The following STK3 variants were observed in gnomAD, a reference collection of about 807,000 sequenced individuals.
STK3 encodes the protein serine/threonine-protein kinase 3.
Under a neutral mutation model 58.0 loss-of-function variants are expected in STK3, and 41 were observed. That is an observed-to-expected ratio of 0.71 (90% confidence interval 0.55 to 0.92). The LOEUF is 0.92. Ranked by LOEUF, STK3 falls within the 40% of genes least tolerant of loss-of-function variation. STK3 has a pLI of 0.00. For synonymous variants in STK3, 170 were observed against 191.0 expected (o/e 0.89, Z 0.91); for missense variants, 479 against 602.7 (o/e 0.79, Z 2.15).
At chr8:98,670,833 A>G (rs568467557) in intron 6 of STK3, among the ~76,000 whole-genome samples, 102 of 152,302 alleles carry the variant, frequency 6.7e-4, no homozygotes, top group African/African-American at 2.3e-3. Context: ...TCATCACTCA[A>G]TAAAATTCTC....
chr8:98,911,847 T>TAAAC (rs59446134), intron 1 of STK3, among the ~76,000 whole-genome samples: 26,394 of 152,082 alleles, frequency 0.17, 2,792 homozygotes, highest in African/African-American at 0.3. Flanking sequence ...AAATAAAAAA[T>TAAAC]AAAGCTTATT....
intron 7 of STK3, among the ~76,000 whole-genome samples, chr8:98,583,772 G>C (rs553342857): frequency 2.6e-4 from 39 of 151,954 alleles, no homozygotes; most frequent in Non-Finnish European, 2.4e-4. Flanking sequence ...GAAATTCATA[G>C]TCTATATTAG....
intron 10 of STK3, among the ~76,000 whole-genome samples, chr8:98,514,850 C>CT (rs1824806542): frequency 6.6e-6 from 1 of 152,094 alleles, no homozygotes; most frequent in Non-Finnish European, 1.5e-5. Flanking sequence ...ACTGAAAACT[C>CT]TATACATCCA....
chr8:98,580,076 G>GTA (rs968206970), intron 7 of STK3, among the ~76,000 whole-genome samples: 2 of 152,042 alleles, frequency 1.3e-5, no homozygotes, highest in African/African-American at 4.8e-5. Context: ...CAAAGGAAGT[G>GTA]TACATTAGGA....
chr8:98,904,863 G>A (rs1838827743), intron 1 of STK3: 26 of 677,432 alleles, frequency 3.8e-5, no homozygotes, highest in South Asian at 3.5e-4. Context: ...GGGATTAGCA[G>A]AAGTAGAGTT....
At chr8:98,938,198 G>C (rs936156262) in intron 1 of STK3, among the ~76,000 whole-genome samples, 3 of 152,098 alleles carry the variant, frequency 2.0e-5, no homozygotes, top group African/African-American at 7.2e-5. Flanking sequence ...ATGACAAGAG[G>C]CTTCCAGTTA....
At chr8:98,493,145 T>C (rs1161517115) in intron 10 of STK3, among the ~76,000 whole-genome samples, 5 of 150,270 alleles carry the variant, frequency 3.3e-5, no homozygotes, top group Non-Finnish European at 7.4e-5. Context: ...GGCAGGAGAA[T>C]TGCTTGAGCC....
intron 1 of STK3, among the ~76,000 whole-genome samples, chr8:98,792,285 A>C (rs1587634542): frequency 1.3e-5 from 2 of 152,360 alleles, no homozygotes; most frequent in East Asian, 3.9e-4. Context: ...AACAATGGCC[A>C]TAATCAAAAA....
chr8:98,366,506 C>T (rs1433026959), downstream of STK3, among the ~76,000 whole-genome samples: 1 of 152,178 alleles, frequency 6.6e-6, no homozygotes, highest in Non-Finnish European at 1.5e-5. Context: ...CTTAAGCCAT[C>T]TGAAGTTTAT....
At chr8:98,857,333 A>G (rs1256314162) in intron 3 of STK3, among the ~76,000 whole-genome samples, 1 of 152,212 alleles carries the variant, frequency 6.6e-6, no homozygotes. Flanking sequence ...CAGATTCCTG[A>G]AAGTTTAGCT....
intron 1 of STK3, among the ~76,000 whole-genome samples, chr8:98,891,576 T>C (rs180831222): frequency 1.3e-5 from 2 of 152,272 alleles, no homozygotes; most frequent in Admixed American, 1.3e-4. Context: ...AAAAGTTTTG[T>C]AAGTTGTGCA....
chr8:98,390,368 C>G (rs570012920), upstream of STK3, among the ~76,000 whole-genome samples: 4 of 152,206 alleles, frequency 2.6e-5, no homozygotes, highest in South Asian at 6.2e-4. Context: ...GTTTTTGCCT[C>G]CAGGGTTTCT....
rs112374001 is a variant in STK3 at position 98,800,461 on chromosome 8, C to T, written c.26+25054G>A. 6.6e-4 allele frequency among the ~76,000 whole-genome samples: 100 copies of T among 152,346 alleles called. 1 individual carries two copies. In the South Asian group the frequency reaches 8.9e-3, roughly 14 times the overall value. On this transcript the variant is annotated intron_variant, in intron 1 of 10. Transcript: ENST00000419617. This position sits in a 1 kb window ranked among gnomAD's most constrained non-coding sequence, Gnocchi z 4.8. ...CAGCCCTCACTCACTCTCAGCACCTCCTCGGCCTCGGTGTCCACTCTGGCC... is the reference window on the plus strand; with the variant it reads ...CAGCCCTCACTCACTCTCAGCACCTTCTCGGCCTCGGTGTCCACTCTGGCC...
intron 2 of STK3, among the ~76,000 whole-genome samples, chr8:98,773,816 G>C (rs1000277063): frequency 1.4e-5 from 2 of 147,132 alleles, no homozygotes; most frequent in Non-Finnish European, 3.0e-5. Context: ...TATTTTTTGA[G>C]ACGGAGCTTC....
intron 4 of STK3, among the ~76,000 whole-genome samples, 172 bp from the exon 5 acceptor site, chr8:98,707,483 G>A (rs1826050316): frequency 6.6e-6 from 1 of 152,014 alleles, no homozygotes; most frequent in South Asian, 2.1e-4. Flanking sequence ...GCTCACTGCA[G>A]CCTAAAATTC....
intron 2 of STK3, among the ~76,000 whole-genome samples, chr8:98,377,122 C>T (rs1392872696): frequency 6.6e-6 from 1 of 152,102 alleles, no homozygotes; most frequent in African/African-American, 2.4e-5. Flanking sequence ...CTCAGTGAGG[C>T]CTAGCCTAGC....
At chr8:98,668,632 T>C (rs530126554) in intron 6 of STK3, among the ~76,000 whole-genome samples, 5 of 152,184 alleles carry the variant, frequency 3.3e-5, no homozygotes, top group Non-Finnish European at 7.4e-5. Flanking sequence ...ACTACATGTA[T>C]TTTAATAGTA....
intron 8 of STK3, among the ~76,000 whole-genome samples, chr8:98,573,005 G>A (rs1280838242): frequency 6.6e-6 from 1 of 151,996 alleles, no homozygotes; most frequent in Non-Finnish European, 1.5e-5. Context: ...ATATGGACAG[G>A]ACCAAGTAAC....
At chr8:98,818,700 T>C (rs568165414) in intron 1 of STK3, among the ~76,000 whole-genome samples, 1 of 152,340 alleles carries the variant, frequency 6.6e-6, no homozygotes, top group East Asian at 1.9e-4. Context: ...TTATCATTAA[T>C]GTTAACACTT....
Sources: allele counts gnomAD v4.1 joint callset (sites outside exome capture counted in the v4.1 genomes callset), GRCh38; gene constraint gnomAD v4.1.1; non-coding constraint Gnocchi (gnomAD v3.1); transcripts MANE v1.5; gene names NCBI Gene and HGNC (gene_info 2026-07-23, HGNC 2026-07-21).